RSPO4: variants seen among roughly 807,000 people sequenced by gnomAD.
RSPO4 encodes R-spondin 4.
A neutral mutation model predicts 24.8 loss-of-function variants in RSPO4; 23 were observed. The ratio of observed to expected loss-of-function variants is 0.93; its 90% CI spans 0.67 to 1.31. The LOEUF (loss-of-function observed/expected upper bound fraction) is 1.31, where lower values mean the gene tolerates loss of function less well. Among genes scored for constraint, RSPO4 ranks in the 40% most tolerant of loss-of-function variants. The probability of loss-of-function intolerance (pLI) is 0.00; values close to 1 mark genes in which losing one functional copy is unlikely to be tolerated. For missense variants in RSPO4, 333 were observed against 316.5 expected (o/e 1.05, Z -0.39); for synonymous variants, 141 against 127.4 (o/e 1.11, Z -0.72).
chr20:983,329 A>G (rs187641314), intron 1 of RSPO4, among the ~76,000 whole-genome samples: 6 of 152,280 alleles, frequency 3.9e-5, no homozygotes, highest in Admixed American at 3.3e-4. Flanking sequence ...GTCTTGATAA[A>G]GAACTTTTGA....
chr20:984,488 C>T (rs1034848970), intron 1 of RSPO4, among the ~76,000 whole-genome samples: 2 of 152,180 alleles, frequency 1.3e-5, no homozygotes, highest in Non-Finnish European at 2.9e-5. Flanking sequence ...TGCCAGTGTT[C>T]CTGGGAAAGC....
Position 959,740 on chromosome 20 carries a change from G to A in RSPO4, c.*617C>T, listed in dbSNP as rs549960964. The stretch of plus-strand genomic sequence containing the variant: ...TGGAGCCTTGTCCAGCCAGCTCCTC[G>A]GGGTGGCTGGTGGCTGAAGGCTGTG... On this transcript the variant is annotated 3_prime_UTR_variant, in exon 5 of 5. Transcript: ENST00000217260. 2.4e-3 allele frequency: 370 copies of A among 152,588 alleles called. No individual in the cohort carries two copies. Among genetic ancestry groups the A allele is most frequent in the Middle Eastern group, 0.014 (4 of 294 alleles). The allele number at this position is 152,588 out of a possible 1,614,324, so 9.5% of individuals were successfully genotyped here. A position where few individuals can be genotyped will look rare whatever the true frequency, so the allele number is the denominator to read the frequency against.
chr20:997,981 G>A (rs1007079570), intron 1 of RSPO4, among the ~76,000 whole-genome samples: 1 of 152,204 alleles, frequency 6.6e-6, no homozygotes, highest in Non-Finnish European at 1.5e-5. Flanking sequence ...CCCCTACTGT[G>A]TGCCTTTGGC....
intron 2 of RSPO4, among the ~76,000 whole-genome samples, chr20:967,557 G>A (rs969243800): frequency 6.6e-6 from 1 of 152,204 alleles, no homozygotes; most frequent in African/African-American, 2.4e-5. Flanking sequence ...GAAGTCACCC[G>A]CAAACCAGGG....
Position 1,002,237 on chromosome 20 carries a change from C to G in RSPO4, c.-73G>C. 1 of 1,114,824 alleles carries G rather than the reference C, an allele frequency of 9.0e-7. No homozygotes were observed. The highest frequency in any genetic ancestry group is 1.2e-6 in the Non-Finnish European group (1 of 862,468). 69.1% of individuals were successfully genotyped at this position (1,114,824 alleles called of 1,614,324 possible). Reference sequence around the variant, plus strand: ...CAAGGGCCCCACGTCCCGGCGGCGGCACGGCGGGCGCGGGGGCTGCTGTGG... The same window carrying G: ...CAAGGGCCCCACGTCCCGGCGGCGGGACGGCGGGCGCGGGGGCTGCTGTGG... On this transcript the variant is annotated 5_prime_UTR_variant, in exon 1 of 5. Coordinates refer to ENST00000217260, the MANE Select transcript of RSPO4 (RefSeq NM_001029871.4). The surrounding 1 kb of genome is among the most constrained non-coding windows in gnomAD (Gnocchi z 4.6).
At chr20:991,097 G>A (rs1299587987) in intron 1 of RSPO4, among the ~76,000 whole-genome samples, 1 of 152,018 alleles carries the variant, frequency 6.6e-6, no homozygotes, top group East Asian at 1.9e-4. Context: ...CTCACACTCT[G>A]GAGTGTGACT....
intron 1 of RSPO4, among the ~76,000 whole-genome samples, chr20:975,466 C>T (rs575719701): frequency 6.6e-6 from 1 of 152,272 alleles, no homozygotes; most frequent in South Asian, 2.1e-4. Flanking sequence ...CAGTAGGCCA[C>T]AAAAGCATGG....
At chr20:973,360 C>G (rs1361222723) in intron 1 of RSPO4, among the ~76,000 whole-genome samples, 1 of 151,838 alleles carries the variant, frequency 6.6e-6, no homozygotes, top group Non-Finnish European at 1.5e-5. Flanking sequence ...GACACTGAGG[C>G]CAGAAGGGGT....
intron 2 of RSPO4, among the ~76,000 whole-genome samples, chr20:967,642 G>A (rs1984256491): frequency 6.6e-6 from 1 of 152,328 alleles, no homozygotes; most frequent in East Asian, 1.9e-4. Flanking sequence ...GCAAAAATTA[G>A]AGCTTGGAAT....
Position 962,783 on chromosome 20 carries a change from TCATGACTTTAGATTCCTCTTTG to T in RSPO4, c.595+1130_595+1151del, listed in dbSNP as rs1166999369. Among the ~76,000 whole-genome samples, 9 of 152,322 alleles carry T rather than the reference TCATGACTTTAGATTCCTCTTTG, an allele frequency of 5.9e-5. No individual in the cohort carries two copies. The East Asian group carries it at 1.7e-3, about 29-fold the overall frequency. On this transcript the variant is annotated intron_variant, in intron 4 of 4. Coordinates refer to ENST00000217260, the MANE Select transcript of RSPO4 (RefSeq NM_001029871.4). ...CTGGTTCCAGGTCCCTCATCCTTCA[TCATGACTTTAGATTCCTCTTTG>T]CATGACGAGTTACGTTTGAATTCTA... is the stretch of plus-strand genomic sequence containing the variant.
intron 1 of RSPO4, among the ~76,000 whole-genome samples, chr20:979,073 C>T (rs1984655918): frequency 6.6e-6 from 1 of 151,946 alleles, no homozygotes; most frequent in African/African-American, 2.4e-5. Flanking sequence ...TGTCTCTTCT[C>T]TCTCCCTCAT....
intron 1 of RSPO4, among the ~76,000 whole-genome samples, chr20:991,421 A>T (rs1468748964): frequency 2.0e-5 from 3 of 152,178 alleles, no homozygotes; most frequent in East Asian, 1.9e-4. Context: ...AAGTCAGATT[A>T]AAAAAGATTT....
chr20:972,712 C>T (rs547732192), intron 1 of RSPO4, among the ~76,000 whole-genome samples: 19 of 152,320 alleles, frequency 1.2e-4, no homozygotes, highest in African/African-American at 4.6e-4. Flanking sequence ...GCCTTTCTGA[C>T]GCACACATTG....
intron 1 of RSPO4, among the ~76,000 whole-genome samples, chr20:1,000,729 C>T (rs1353140668): frequency 6.6e-6 from 1 of 152,214 alleles, no homozygotes; most frequent in East Asian, 1.9e-4. Flanking sequence ...CCCCTAACTA[C>T]TAAACAAAGG....
chr20:971,790 G>A (rs1984414586), intron 1 of RSPO4, among the ~76,000 whole-genome samples: 1 of 152,170 alleles, frequency 6.6e-6, no homozygotes, highest in Non-Finnish European at 1.5e-5. Flanking sequence ...ATTCTTGACT[G>A]TAGGTTTGAA....
chr20:996,178 G>T (rs1168097332), intron 1 of RSPO4, among the ~76,000 whole-genome samples: 6 of 151,998 alleles, frequency 3.9e-5, no homozygotes, highest in Non-Finnish European at 7.4e-5. Context: ...AAAAATGTTT[G>T]CTGACCCCAC....
At chr20:966,873 GCAAACAAA>G (rs955538494) in intron 3 of RSPO4, among the ~76,000 whole-genome samples, 1 of 142,588 alleles carries the variant, frequency 7.0e-6, no homozygotes, top group Admixed American at 7.0e-5. Flanking sequence ...AAGCAAACAA[GCAAACAAA>G]CAAACAAATA....
chr20:985,016 C>A (rs572515661), intron 1 of RSPO4, among the ~76,000 whole-genome samples: 18 of 140,824 alleles, frequency 1.3e-4, no homozygotes, highest in Non-Finnish European at 1.8e-4. Flanking sequence ...TCCACCCATC[C>A]ATCCATCCAC....
intron 1 of RSPO4, among the ~76,000 whole-genome samples, chr20:993,517 C>A (rs1985178506): frequency 6.6e-6 from 1 of 152,116 alleles, no homozygotes; most frequent in South Asian, 2.1e-4. Flanking sequence ...GGCTGTGTGT[C>A]CTTGGCAAGT....
Sources: allele counts gnomAD v4.1 joint callset (sites outside exome capture counted in the v4.1 genomes callset), GRCh38; gene constraint gnomAD v4.1.1; non-coding constraint Gnocchi (gnomAD v3.1); transcripts MANE v1.5; gene names NCBI Gene and HGNC (gene_info 2026-07-23, HGNC 2026-07-21).